FAM107B: variants seen among roughly 807,000 people sequenced by gnomAD.
FAM107B encodes the protein family with sequence similarity 107 member B, also known as protein FAM107B.
FAM107B carries 21 observed loss-of-function variants against 31.5 expected under a neutral mutation model. The ratio of observed to expected loss-of-function variants is 0.67; its 90% CI spans 0.47 to 0.96. The LOEUF (loss-of-function observed/expected upper bound fraction) is 0.96, where lower values mean the gene tolerates loss of function less well. Ranked by LOEUF, FAM107B falls within the 40% of genes least tolerant of loss-of-function variation. The pLI, the probability that FAM107B is intolerant of heterozygous loss-of-function variation, is 0.00. For synonymous variants in FAM107B, 157 were observed against 141.5 expected (o/e 1.11, Z -0.78); for missense variants, 452 against 377.1 (o/e 1.20, Z -1.64).
At chr10:14,566,105 A>G (rs1335984397) in intron 2 of FAM107B, among the ~76,000 whole-genome samples, 1 of 152,088 alleles carries the variant, frequency 6.6e-6, no homozygotes, top group Non-Finnish European at 1.5e-5. Flanking sequence ...AGAACCCTGT[A>G]TTTTCACTTT....
intron 2 of FAM107B, among the ~76,000 whole-genome samples, chr10:14,622,105 A>C (rs4750543): frequency 0.41 from 62,002 of 151,866 alleles, 13,185 homozygotes; most frequent in East Asian, 0.7. Context: ...ACATTTAATA[A>C]AGTCCATCTT....
At chr10:14,772,529 C>T (rs1470048040) in intron 1 of FAM107B, among the ~76,000 whole-genome samples, 1 of 152,070 alleles carries the variant, frequency 6.6e-6, no homozygotes, top group Non-Finnish European at 1.5e-5. Flanking sequence ...CCTCTTCCTG[C>T]ACCTCCTGGC....
In FAM107B at chr10:14,761,899, G is replaced by A. The variant is rs780641007; in HGVS notation, c.411+12354C>T. On this transcript the variant is annotated intron_variant, in intron 1 of 4. Coordinates refer to ENST00000181796, the MANE Select transcript of FAM107B (RefSeq NM_031453.4). ...CAGGCATCCGCCACCGCACCGGGCCGATGGCTCATTTTTTAACACATTGAG... is the reference window on the plus strand; with the variant it reads ...CAGGCATCCGCCACCGCACCGGGCCAATGGCTCATTTTTTAACACATTGAG... Among the ~76,000 whole-genome samples, 12 of 152,206 alleles carry A rather than the reference G, an allele frequency of 7.9e-5. 1 individual carries two copies. The highest frequency in any genetic ancestry group is 3.4e-3 in the Middle Eastern group (1 of 294).
chr10:14,669,477 G>C (rs1854491284), intron 1 of FAM107B, among the ~76,000 whole-genome samples: 1 of 151,862 alleles, frequency 6.6e-6, no homozygotes, highest in Non-Finnish European at 1.5e-5. Context: ...CAAAGATATG[G>C]AATCAACTAT....
intron 1 of FAM107B, among the ~76,000 whole-genome samples, chr10:14,739,900 A>G (rs908532565): frequency 2.0e-5 from 3 of 152,168 alleles, no homozygotes; most frequent in Non-Finnish European, 4.4e-5. Context: ...TTGACATCCA[A>G]CTATCTCTAG....
intron 2 of FAM107B, among the ~76,000 whole-genome samples, chr10:14,629,449 T>TA (rs1271059014): frequency 1.1e-4 from 2 of 18,986 alleles, no homozygotes; most frequent in African/African-American, 5.5e-4. Flanking sequence ...ATATATATTA[T>TA]ATATATATTA....
chr10:14,684,396 G>A (rs564322848), intron 1 of FAM107B, among the ~76,000 whole-genome samples: 19 of 152,142 alleles, frequency 1.2e-4, no homozygotes, highest in Non-Finnish European at 2.4e-4. Flanking sequence ...AAGTTGCAGT[G>A]AGCCAAGATC....
At chr10:14,587,903 T>G (rs902493599) in intron 2 of FAM107B, among the ~76,000 whole-genome samples, 2 of 152,192 alleles carry the variant, frequency 1.3e-5, no homozygotes, top group East Asian at 3.9e-4. Flanking sequence ...CTCCACAGCC[T>G]CCTCCTGCAC....
At chr10:14,683,205 T>G (rs1022240390) in intron 1 of FAM107B, among the ~76,000 whole-genome samples, 3 of 147,002 alleles carry the variant, frequency 2.0e-5, no homozygotes, top group African/African-American at 2.4e-5. Flanking sequence ...CTTGCTGGTG[T>G]TATTTTGATT....
intron 1 of FAM107B, among the ~76,000 whole-genome samples, chr10:14,698,944 C>T (rs960240937): frequency 6.6e-6 from 1 of 152,154 alleles, no homozygotes; most frequent in Non-Finnish European, 1.5e-5. Flanking sequence ...TAAGCACATG[C>T]CACGTGCTGT....
At chr10:14,644,594 C>A (rs1016029334) in intron 2 of FAM107B, among the ~76,000 whole-genome samples, 1 of 152,208 alleles carries the variant, frequency 6.6e-6, no homozygotes, top group African/African-American at 2.4e-5. Flanking sequence ...TTCTCATTTG[C>A]CATATGGCAT....
At chr10:14,749,675 T>C (rs1309928276) in intron 1 of FAM107B, among the ~76,000 whole-genome samples, 1 of 152,076 alleles carries the variant, frequency 6.6e-6, no homozygotes, top group East Asian at 1.9e-4. Flanking sequence ...TTATTCCATA[T>C]CCCTCTATCT....
chr10:14,763,943 C>T (rs2131593771), intron 1 of FAM107B, among the ~76,000 whole-genome samples: 1 of 152,348 alleles, frequency 6.6e-6, no homozygotes, highest in South Asian at 2.1e-4. Flanking sequence ...TTTATTCGGC[C>T]TCTGTGTCTA....
chr10:14,758,876 A>G (rs1156434644), intron 1 of FAM107B, among the ~76,000 whole-genome samples: 2 of 115,424 alleles, frequency 1.7e-5, no homozygotes, highest in Non-Finnish European at 1.8e-5. Flanking sequence ...CCTCTCAGAA[A>G]AAAAAAAAAA....
At chr10:14,772,270 C>T (rs904861608) in intron 1 of FAM107B, among the ~76,000 whole-genome samples, 2 of 151,958 alleles carry the variant, frequency 1.3e-5, no homozygotes, top group Non-Finnish European at 2.9e-5. Context: ...AGGAGAATTG[C>T]TTGAACCTGG....
intron 2 of FAM107B, among the ~76,000 whole-genome samples, chr10:14,576,075 G>A (rs1851454282): frequency 6.6e-6 from 1 of 152,242 alleles, no homozygotes; most frequent in African/African-American, 2.4e-5. Context: ...CTGCTTCCCA[G>A]GGGCTGGGAG....
intron 1 of FAM107B, chr10:14,723,752 G>A: frequency 1.3e-6 from 1 of 757,882 alleles, no homozygotes; most frequent in South Asian, 1.3e-5. Flanking sequence ...GGGGTGAAGT[G>A]GCCAGCAATT....
intron 2 of FAM107B, among the ~76,000 whole-genome samples, chr10:14,603,343 G>A (rs1852467014): frequency 6.6e-6 from 1 of 152,154 alleles, no homozygotes; most frequent in South Asian, 2.1e-4. Flanking sequence ...GTTTAAGAAT[G>A]TGAAGTCCAA....
intron 2 of FAM107B, among the ~76,000 whole-genome samples, chr10:14,604,011 C>A (rs11259215): frequency 2.0e-5 from 3 of 146,838 alleles, no homozygotes; most frequent in Non-Finnish European, 3.0e-5. Context: ...CGGCGCCCCC[C>A]GCACGGCCCC....
Sources: gnomAD v4.1 joint callset for allele counts (sites outside exome capture counted in the v4.1 genomes callset) on GRCh38, gnomAD v4.1.1 for gene constraint, MANE v1.5 for transcripts, NCBI Gene and HGNC (gene_info 2026-07-23, HGNC 2026-07-21) for gene names.